The following NOX5 variants were observed in gnomAD, a reference collection of about 807,000 sequenced individuals.
NOX5 encodes NADPH oxidase 5.
In NOX5, 76 loss-of-function variants were observed where a neutral mutation model predicts 85.7. That is an observed-to-expected ratio of 0.89 (90% CI 0.74 to 1.07). The LOEUF (loss-of-function observed/expected upper bound fraction) is 1.07, where lower values mean the gene tolerates loss of function less well. Among genes scored for constraint, NOX5 ranks in the 50% least tolerant of loss-of-function variants. The pLI, the probability that NOX5 is intolerant of heterozygous loss-of-function variation, is 0.00. For synonymous variants in NOX5, 405 were observed against 401.4 expected, an observed-to-expected ratio of 1.01 and a Z score of -0.11; for missense variants, 973 against 999.5, an observed-to-expected ratio of 0.97 and a Z score of 0.36.
At position 69,033,118 on chromosome 15, in the gene NOX5, G is replaced by T; in HGVS notation, c.696G>T (p.Trp232Cys). 6.4e-7 allele frequency: 1 copy of T among 1,559,750 alleles called. No individual in the cohort carries two copies. The highest frequency in any genetic ancestry group is 8.6e-7 in the Non-Finnish European group (1 of 1,158,980). The change falls in exon 5 of 16, where the codon TGG (tryptophan) becomes TGT (cysteine). Residue 232 changes from tryptophan (W) to cysteine (C), a missense_variant. Transcript: ENST00000388866. ...RRPRQLTRAY[W>C]HNHRSQLFCL... ...CGCGCCAGCTGACCCGCGCCTACTG[G>T]CACAACCACCGCAGCCAGCTGTTCT...
chr15:69,023,832 T>C, intron 1 of NOX5: 1 of 177,512 alleles, frequency 5.6e-6, no homozygotes. Context: ...GTGGTTTCCA[T>C]AGCAATGCTT....
chr15:69,051,339 T>C (rs996978149), intron 14 of NOX5, among the ~76,000 whole-genome samples: 3 of 152,166 alleles, frequency 2.0e-5, no homozygotes, highest in African/African-American at 7.2e-5. Flanking sequence ...TCCATTTTTC[T>C]GGTTGTTTCA....
chr15:69,045,107 C>T (rs1330009103), intron 10 of NOX5, among the ~76,000 whole-genome samples: 2 of 152,208 alleles, frequency 1.3e-5, no homozygotes, highest in African/African-American at 4.8e-5. Context: ...GCTTATCTTC[C>T]CAGGGATCGT....
At chr15:69,033,986 G>C (rs983064323) in intron 5 of NOX5, among the ~76,000 whole-genome samples, 1 of 151,934 alleles carries the variant, frequency 6.6e-6, no homozygotes, top group African/African-American at 2.4e-5. Flanking sequence ...GAGCCACCAC[G>C]CCTGACCTCT....
chr15:69,044,368 A>T (rs1321763263), intron 10 of NOX5, among the ~76,000 whole-genome samples: 1 of 152,236 alleles, frequency 6.6e-6, no homozygotes. Context: ...CAGACAATGA[A>T]CAAATAAATA....
intron 9 of NOX5, 147 bp downstream of exon 9, chr15:69,039,136 G>C: frequency 2.2e-6 from 2 of 896,984 alleles, no homozygotes; most frequent in Non-Finnish European, 3.5e-6. Context: ...AGTGGGAGCA[G>C]GCATGCAGAC....
intron 3 of NOX5, 68 bp from the exon 4 acceptor site, chr15:69,031,450 C>T (rs938340734): frequency 2.0e-6 from 3 of 1,524,732 alleles, no homozygotes; most frequent in Non-Finnish European, 1.8e-6. Flanking sequence ...TGGTCTATAC[C>T]CCCAAGGAAA....
chr15:69,015,631 T>C (rs1236681851), intron 1 of NOX5, among the ~76,000 whole-genome samples: 6 of 152,276 alleles, frequency 3.9e-5, no homozygotes, highest in African/African-American at 1.4e-4. Flanking sequence ...CCCACCAAGG[T>C]TGGCGAGTCA....
At chr15:69,018,798 T>C (rs1157614715) in intron 1 of NOX5, among the ~76,000 whole-genome samples, 2 of 152,202 alleles carry the variant, frequency 1.3e-5, no homozygotes, top group Non-Finnish European at 2.9e-5. Flanking sequence ...CAGAGCTCAC[T>C]GATGGCACAG....
intron 10 of NOX5, among the ~76,000 whole-genome samples, 182 bp downstream of exon 10, chr15:69,042,987 C>T (rs2050615422): frequency 6.6e-6 from 1 of 152,164 alleles, no homozygotes; most frequent in Non-Finnish European, 1.5e-5. Flanking sequence ...CTGACCACTC[C>T]AGATCCTTCC....
In NOX5 at chr15:69,033,160, A is replaced by G; in HGVS notation, c.738A>G (p.Ala246=). Residue 246 remains alanine (A), a synonymous_variant, in exon 5 of 16, where the codon GCA becomes GCG. Coordinates refer to ENST00000388866, the MANE Select transcript of NOX5 (RefSeq NM_024505.4). ...RSQLFCLATY[A]GLHVLLFGLA... is the part of the protein sequence containing the mutation. ...AGCTGTTCTGCCTGGCCACCTATGC[A>G]GGCCTCCACGTGCTGCTCTTCGGGC... 1.3e-6 allele frequency: 2 copies of G among 1,581,442 alleles called. No homozygotes were observed. Among genetic ancestry groups the G allele is most frequent in the Non-Finnish European group, 1.7e-6 (2 of 1,170,630 alleles).
intron 10 of NOX5, among the ~76,000 whole-genome samples, chr15:69,045,536 T>TCTTCTTTCTTTCTTTCTTTCTTTCTTTC (rs1555437202): frequency 1.1e-5 from 1 of 94,470 alleles, no homozygotes; most frequent in East Asian, 4.5e-4. Flanking sequence ...TTCCTTTCTT[T>TCTTCTTTCTTTCTTTCTTTCTTTCTTTC]TTTCTTTCTT....
At chr15:69,023,205 A>G (rs1219137623) in intron 1 of NOX5, 2 of 253,300 alleles carry the variant, frequency 7.9e-6, no homozygotes, top group African/African-American at 2.3e-5. Context: ...TAAGTCACTC[A>G]CAGAAAAATT....
At chr15:69,050,678 C>T (rs1315059023) in intron 14 of NOX5, among the ~76,000 whole-genome samples, 1 of 152,108 alleles carries the variant, frequency 6.6e-6, no homozygotes, top group Non-Finnish European at 1.5e-5. Flanking sequence ...TGTGAGCCAC[C>T]GGCCTGGATT....
chr15:69,041,275 A>G (rs1294972668), intron 9 of NOX5, among the ~76,000 whole-genome samples: 5 of 152,162 alleles, frequency 3.3e-5, no homozygotes, highest in Non-Finnish European at 1.5e-5. Flanking sequence ...AACCTCAGAG[A>G]GGTGGATGGA....
chr15:69,047,600 C>T (rs2050692043), intron 12 of NOX5, 63 bp downstream of exon 12: 1 of 1,564,358 alleles, frequency 6.4e-7, no homozygotes, highest in South Asian at 1.2e-5. Flanking sequence ...CCTCCCTGCT[C>T]CTCCTCCCTT....
In NOX5 at chr15:69,058,766, C is replaced by T. The variant is rs1026869148; in HGVS notation, c.*2070C>T. ...GCCTGAGGCCACACACTCTTGGAAC[C>T]TCTTTCCCTCTGTTGAGTCTGTACT... On this transcript the variant is annotated 3_prime_UTR_variant, in exon 16 of 16. Coordinates refer to ENST00000388866, the MANE Select transcript of NOX5 (RefSeq NM_024505.4). The T allele has an allele frequency of 1.3e-5, 2 of 152,234 alleles. No individual in the cohort carries two copies. Among genetic ancestry groups the T allele is most frequent in the African/African-American group, 2.4e-5 (1 of 41,454 alleles). The allele number at this position is 152,234 out of a possible 1,614,324, so 9.4% of individuals were successfully genotyped here.
chr15:69,047,099 G>A (rs749851176), intron 11 of NOX5: 1 of 592,052 alleles, frequency 1.7e-6, no homozygotes, highest in Non-Finnish European at 3.0e-6. Context: ...GCAGGGATGG[G>A]TGTACAGTGT....
intron 14 of NOX5, among the ~76,000 whole-genome samples, chr15:69,049,828 T>C (rs985384232): frequency 1.3e-5 from 2 of 152,224 alleles, no homozygotes; most frequent in African/African-American, 4.8e-5. Flanking sequence ...TTTTGAAGTA[T>C]AATTTACATA....
Sources: allele counts gnomAD v4.1 joint callset (sites outside exome capture counted in the v4.1 genomes callset), GRCh38; gene constraint gnomAD v4.1.1; transcripts MANE v1.5; gene names NCBI Gene and HGNC (gene_info 2026-07-23, HGNC 2026-07-21).